The following OTUD7A variants were observed in gnomAD, a reference collection of about 807,000 sequenced individuals.
OTUD7A encodes OTU domain-containing protein 7A.
A neutral mutation model predicts 65.7 loss-of-function variants in OTUD7A; 12 were observed. The observed-to-expected ratio is 0.18, with a 90% CI of 0.12 to 0.30. The LOEUF (loss-of-function observed/expected upper bound fraction) is 0.30, where lower values mean the gene tolerates loss of function less well. Among genes scored for constraint, OTUD7A ranks in the 10% least tolerant of loss-of-function variants. OTUD7A has a pLI of 1.00. For synonymous variants in OTUD7A, 641 were observed against 586.3 expected (o/e 1.09, Z -1.35); for missense variants, 1,148 against 1,304.8 (o/e 0.88, Z 1.85).
intron 4 of OTUD7A, among the ~76,000 whole-genome samples, chr15:31,567,644 C>T (rs893861517): frequency 3.9e-5 from 6 of 152,206 alleles, no homozygotes; most frequent in African/African-American, 1.4e-4. Flanking sequence ...GAGAAAAAGC[C>T]TTGAAGGCAT....
At chr15:31,685,613 C>T (rs939939758) in intron 1 of OTUD7A, among the ~76,000 whole-genome samples, 3 of 152,294 alleles carry the variant, frequency 2.0e-5, no homozygotes, top group African/African-American at 2.4e-5. Context: ...GAGCCAAGAT[C>T]GCACCACTGC....
intron 3 of OTUD7A, among the ~76,000 whole-genome samples, chr15:31,627,857 T>C (rs951857751): frequency 3.3e-5 from 5 of 152,244 alleles, no homozygotes; most frequent in African/African-American, 1.2e-4. Context: ...ATGAGCATTT[T>C]TTCATGTGTT....
intron 8 of OTUD7A, among the ~76,000 whole-genome samples, chr15:31,505,850 C>T (rs949918753): frequency 3.3e-5 from 5 of 151,278 alleles, no homozygotes; most frequent in Non-Finnish European, 7.4e-5. Flanking sequence ...CCCGGGTTCA[C>T]GCCATTCTCC....
chr15:31,489,983 C>A (rs921275601), intron 10 of OTUD7A, among the ~76,000 whole-genome samples: 1 of 152,222 alleles, frequency 6.6e-6, no homozygotes, highest in African/African-American at 2.4e-5. Flanking sequence ...CATGCCTGCT[C>A]ACAACTGAAG....
intron 3 of OTUD7A, among the ~76,000 whole-genome samples, chr15:31,591,473 C>G (rs1268685083): frequency 6.6e-6 from 1 of 152,150 alleles, no homozygotes; most frequent in Non-Finnish European, 1.5e-5. Flanking sequence ...TGGGCCTCAT[C>G]TAATCCACGG....
intron 1 of OTUD7A, among the ~76,000 whole-genome samples, chr15:31,751,439 A>T (rs1023445472): frequency 2.6e-5 from 4 of 152,158 alleles, no homozygotes; most frequent in Admixed American, 2.0e-4. Context: ...CTACAGAGAA[A>T]AGGGAACACT....
chr15:31,740,586 T>C (rs1277256766), intron 1 of OTUD7A, among the ~76,000 whole-genome samples: 6 of 151,282 alleles, frequency 4.0e-5, no homozygotes, highest in African/African-American at 9.7e-5. Flanking sequence ...TTTTGAAAAA[T>C]TGGTTTAAAA....
At chr15:31,737,725 C>G (rs1046610334) in intron 1 of OTUD7A, among the ~76,000 whole-genome samples, 2 of 152,180 alleles carry the variant, frequency 1.3e-5, no homozygotes, top group African/African-American at 4.8e-5. Flanking sequence ...CAGCATGCTT[C>G]TCAGCAGGAA....
At chr15:31,760,218 CT>C (rs1379896775) in intron 1 of OTUD7A, among the ~76,000 whole-genome samples, 1 of 152,148 alleles carries the variant, frequency 6.6e-6, no homozygotes, top group Non-Finnish European at 1.5e-5. Flanking sequence ...CCTTACCTCC[CT>C]TTGGATGCTA....
chr15:31,643,308 T>C (rs1352757571), intron 3 of OTUD7A, among the ~76,000 whole-genome samples: 2 of 152,184 alleles, frequency 1.3e-5, no homozygotes, highest in Non-Finnish European at 2.9e-5. Context: ...TTAATATTTC[T>C]TTACTTCTAT....
At chr15:31,629,116 C>A (rs1195056674) in intron 3 of OTUD7A, among the ~76,000 whole-genome samples, 13 of 152,122 alleles carry the variant, frequency 8.5e-5, no homozygotes, top group Non-Finnish European at 1.8e-4. Context: ...CTGGCCAGAA[C>A]TTCCAACACT....
rs192525829 is a variant in OTUD7A, at chr15:31,610,595, A to T, written c.152-40398T>A. 4.8e-3 allele frequency among the ~76,000 whole-genome samples: 248 copies of T among 51,674 alleles called. 3 individuals are homozygous for T. The highest frequency in any genetic ancestry group is 0.019 in the African/African-American group (216 of 11,134). The allele number at this position is 51,674 out of a possible 152,430, so 33.9% of individuals were successfully genotyped here. On this transcript the variant is annotated intron_variant, in intron 3 of 12. Coordinates refer to ENST00000307050, the MANE Select transcript of OTUD7A (RefSeq NM_001382637.1). Reference sequence around the variant, plus strand: ...CAATAAATTTAAGAAAAATGAAATTATATATATATATATATATATATATTT... The same window carrying T: ...CAATAAATTTAAGAAAAATGAAATTTTATATATATATATATATATATATTT...
chr15:31,603,127 A>G (rs947623952), intron 3 of OTUD7A, among the ~76,000 whole-genome samples: 2 of 152,234 alleles, frequency 1.3e-5, no homozygotes, highest in African/African-American at 4.8e-5. Context: ...AAGAGCCCAC[A>G]TAGCCAAGAC....
In OTUD7A at chr15:31,821,673, T is replaced by A. The variant is rs1248926921; in HGVS notation, c.-100+48834A>T. Among the ~76,000 whole-genome samples, 21 of 152,180 alleles carry A rather than the reference T, an allele frequency of 1.4e-4. 1 individual carries two copies. Among genetic ancestry groups the A allele is most frequent in the Admixed American group, 6.5e-4 (10 of 15,276 alleles). On this transcript the variant is annotated intron_variant, in intron 1 of 12. Transcript: ENST00000307050. The stretch of plus-strand genomic sequence containing the variant: ...GGTCATATGGAAATTCTATGTTTAA[T>A]TTTTTGAGCAACTACCAAACTATTT...
chr15:31,567,195 T>C (rs1019951257), intron 4 of OTUD7A, among the ~76,000 whole-genome samples: 20 of 151,980 alleles, frequency 1.3e-4, no homozygotes, highest in African/African-American at 4.8e-4. Flanking sequence ...GACAACAGAG[T>C]CAAGGCTGAG....
chr15:31,486,553 A>C (rs574865844), intron 12 of OTUD7A, among the ~76,000 whole-genome samples: 3 of 152,254 alleles, frequency 2.0e-5, no homozygotes, highest in East Asian at 1.9e-4. Flanking sequence ...AAAAAACATC[A>C]ATCAGTCAGA....
At chr15:31,497,498 C>A (rs940411973) in intron 10 of OTUD7A, among the ~76,000 whole-genome samples, 3 of 152,134 alleles carry the variant, frequency 2.0e-5, no homozygotes, top group African/African-American at 7.2e-5. Context: ...AACCCACCCA[C>A]CTCGGCCTCC....
intron 10 of OTUD7A, among the ~76,000 whole-genome samples, chr15:31,500,209 G>A (rs1038623301): frequency 6.6e-6 from 1 of 152,222 alleles, no homozygotes; most frequent in African/African-American, 2.4e-5. Flanking sequence ...CTAAATCCCC[G>A]GGAAGGAGGT....
At chr15:31,597,916 G>A (rs1889954292) in intron 3 of OTUD7A, among the ~76,000 whole-genome samples, 1 of 152,244 alleles carries the variant, frequency 6.6e-6, no homozygotes. Context: ...GATTTCTGAT[G>A]ACCGGCTGTG....
Sources: allele counts gnomAD v4.1 joint callset (sites outside exome capture counted in the v4.1 genomes callset), GRCh38; gene constraint gnomAD v4.1.1; transcripts MANE v1.5; gene names NCBI Gene and HGNC (gene_info 2026-07-23, HGNC 2026-07-21).